Variants in NOD2 observed in about 807,000 individuals in gnomAD.
NOD2 encodes nucleotide binding oligomerization domain containing 2.
NOD2 carries 86 observed loss-of-function variants against 90.9 expected under a neutral mutation model. The observed-to-expected ratio is 0.95, with a 90% confidence interval of 0.79 to 1.13. NOD2 has a LOEUF of 1.13. NOD2 is among the 50% of genes most tolerant of loss of function. The probability of loss-of-function intolerance (pLI) is 0.00; values close to 1 mark genes in which losing one functional copy is unlikely to be tolerated. For missense variants in NOD2, 1,238 were observed against 1,283.8 expected, an observed-to-expected ratio of 0.96 and a Z score of 0.55; for synonymous variants, 581 against 554.6, an observed-to-expected ratio of 1.05 and a Z score of -0.67.
chr16:50,731,891 A>G lies in NOD2; in HGVS notation c.*72A>G. Reference sequence around the variant, plus strand: ...GAGTTTGGGCCCCAGAGGCTGGGTGACATGTGTTGGCAGCCTCTTCAAAAT... The same window carrying G: ...GAGTTTGGGCCCCAGAGGCTGGGTGGCATGTGTTGGCAGCCTCTTCAAAAT... On this transcript the variant is annotated 3_prime_UTR_variant, in exon 12 of 12. Transcript: ENST00000647318. 1.7e-6 allele frequency: 2 copies of G among 1,161,032 alleles called. No homozygotes were observed. Among genetic ancestry groups the G allele is most frequent in the Non-Finnish European group, 2.6e-6 (2 of 770,992 alleles). 71.9% of individuals were successfully genotyped at this position (1,161,032 alleles called of 1,614,324 possible). A position where few individuals can be genotyped will look rare whatever the true frequency, so the allele number is the denominator to read the frequency against.
Position 50,712,062 on chromosome 16 carries a change from G to A in NOD2, c.2070G>A (p.Lys690=). The part of the protein sequence containing the change: ...ARWCLARSLR[K]HFHSIPPAAP... ...GGTGTCTGGCCCGCAGCCTCCGCAA[G>A]CACTTCCACTCCATCCCGCCAGCTG... Residue 690 remains lysine (K), a synonymous_variant, in exon 4 of 12, where the codon AAG becomes AAA. Transcript: ENST00000647318. 1 of 1,613,286 alleles carries A rather than the reference G, an allele frequency of 6.2e-7. No individual in the cohort carries two copies. The highest frequency in any genetic ancestry group is 8.5e-7 in the Non-Finnish European group (1 of 1,179,842).
intron 7 of NOD2, among the ~76,000 whole-genome samples, chr16:50,721,403 T>G (rs929765611): frequency 2.0e-5 from 3 of 151,866 alleles, no homozygotes; most frequent in African/African-American, 7.2e-5. Context: ...TTGTTTTGTT[T>G]TTGTTGTTGT....
intron 2 of NOD2, 92 bp downstream of exon 2, chr16:50,700,046 G>A (rs1963867420): frequency 2.4e-6 from 3 of 1,271,514 alleles, no homozygotes; most frequent in East Asian, 2.5e-5. Context: ...AGCCTGTGGG[G>A]TAACTTGGTC....
In NOD2 at chr16:50,711,930, C is replaced by G. The variant is rs755473279; in HGVS notation, c.1938C>G (p.Ile646Met). 1.9e-6 allele frequency: 3 copies of G among 1,611,470 alleles called. No individual in the cohort carries two copies. In the Admixed American group the frequency reaches 5.0e-5, roughly 27 times the overall value. The change falls in exon 4 of 12, where the codon ATC becomes ATG. Residue 646 changes from isoleucine to methionine, a missense_variant. Physicochemically the swap from Ile to Met is conservative, Grantham distance 10. Coordinates refer to ENST00000647318, the MANE Select transcript of NOD2 (RefSeq NM_001370466.1). Reference protein sequence around the residue: ...LQKAEPHNLQITAAFLAGLLS... With the variant: ...LQKAEPHNLQMTAAFLAGLLS... ...AGGCCGAGCCGCACAACCTTCAGATCACAGCAGCCTTCCTGGCAGGGCTGT... is the reference window on the plus strand; with the variant it reads ...AGGCCGAGCCGCACAACCTTCAGATGACAGCAGCCTTCCTGGCAGGGCTGT...
intron 3 of NOD2, chr16:50,709,897 C>T (rs1166382885): frequency 2.2e-6 from 1 of 451,664 alleles, no homozygotes; most frequent in Admixed American, 2.4e-5. Flanking sequence ...TATCTCGCTG[C>T]CTCCTGAAAA....
At chr16:50,694,090 G>T (rs1963535667) in intron 1 of NOD2, among the ~76,000 whole-genome samples, 1 of 152,072 alleles carries the variant, frequency 6.6e-6, no homozygotes, top group African/African-American at 2.4e-5. Context: ...CAGGACCTGC[G>T]AGGCCACATC....
rs535978538 is a variant in NOD2, at chr16:50,699,795, G to A, written c.300G>A (p.Ser100=). 4.3e-5 allele frequency: 70 copies of A among 1,613,622 alleles called. No homozygotes were observed. Among genetic ancestry groups the A allele is most frequent in the East Asian group, 1.8e-4 (8 of 44,880 alleles). ...PKLHGCWDPH[S]LHPARDLQSH... is the part of the protein sequence containing the mutation. ...TGCATGGCTGCTGGGACCCCCACTC[G>A]CTCCACCCAGCCCGAGACCTGCAGA... The change falls in exon 2 of 12, where the codon TCG becomes TCA. Residue 100 remains serine (S), a synonymous_variant. Coordinates refer to ENST00000647318, the MANE Select transcript of NOD2 (RefSeq NM_001370466.1).
intron 9 of NOD2, 35 bp from the exon 10 acceptor site, chr16:50,725,454 T>G: frequency 6.6e-7 from 1 of 1,520,310 alleles, no homozygotes; most frequent in African/African-American, 1.4e-5. Context: ...TAATCAATGT[T>G]GTATCAACTG....
chr16:50,705,781 G>C (rs532367479), intron 2 of NOD2, among the ~76,000 whole-genome samples: 1 of 152,102 alleles, frequency 6.6e-6, no homozygotes, highest in Non-Finnish European at 1.5e-5. Flanking sequence ...TCCTCAGTCC[G>C]TTACTATTCA....
rs1462834850 is a variant in NOD2, at chr16:50,710,848, C to A, written c.856C>A (p.His286Asn). 6.2e-7 allele frequency: 1 copy of A among 1,614,080 alleles called. No homozygotes were observed. The highest frequency in any genetic ancestry group is 8.5e-7 in the Non-Finnish European group (1 of 1,180,026). ...CAAGAGCACGCTCCTGCAGCGGCTG[C>A]ACTTGCTGTGGGCTGCAGGGCAAGA... ...SGKSTLLQRL[H>N]LLWAAGQDFQ... Residue 286 changes from histidine (H) to asparagine (N), a missense_variant, in exon 4 of 12, where the codon CAC (histidine) becomes AAC (asparagine). Coordinates refer to ENST00000647318, the MANE Select transcript of NOD2 (RefSeq NM_001370466.1).
rs533803547 is a variant in NOD2 at position 50,717,666 on chromosome 16, C to T, written c.2549+692C>T. ...GATGGGAGCCGCCATTTTAAAATGG[C>T]GGGCCACATAGCTCAGTCTCGGCAA... On this transcript the variant is annotated intron_variant, in intron 6 of 11. Transcript: ENST00000647318. Among the ~76,000 whole-genome samples, 10 of 152,300 alleles carry T rather than the reference C, an allele frequency of 6.6e-5. No individual in the cohort carries two copies. The East Asian group carries it at 1.5e-3, about 24-fold the overall frequency.
chr16:50,710,941 T>C lies in NOD2; in HGVS notation c.949T>C (p.Ser317Pro). The C allele has an allele frequency of 6.2e-7, 1 of 1,614,170 alleles. No homozygotes were observed. The highest frequency in any genetic ancestry group is 8.5e-7 in the Non-Finnish European group (1 of 1,180,032). ...GCTGCAGTGCATGGCCAAACCACTC[T>C]CTGTGCGGACTCTACTCTTTGAGCA... is the stretch of plus-strand genomic sequence containing the variant. The part of the protein sequence containing the change: ...RQLQCMAKPL[S>P]VRTLLFEHCC... Residue 317 changes from serine (S) to proline (P), a missense_variant, in exon 4 of 12, where the codon TCT (serine) becomes CCT (proline). By Grantham distance (74) the Ser-to-Pro change is moderately conservative. Coordinates refer to ENST00000647318, the MANE Select transcript of NOD2 (RefSeq NM_001370466.1).
In NOD2 at chr16:50,699,353, T is replaced by G. The variant is rs990884291; in HGVS notation, c.-8-135T>G. ...TTTTCACATCTATATGGTGGGGAGC[T>G]TGGATTGGGTAATGTCTGAGGCTAG... On this transcript the variant is annotated intron_variant, in intron 1 of 11. Transcript: ENST00000647318. The G allele has an allele frequency of 1.1e-5, 8 of 722,824 alleles. No individual in the cohort carries two copies. The African/African-American group carries it at 1.4e-4, about 13-fold the overall frequency. The allele number at this position is 722,824 out of a possible 1,614,324, so 44.8% of individuals were successfully genotyped here. A position where few individuals can be genotyped will look rare whatever the true frequency, so the allele number is the denominator to read the frequency against.
intron 7 of NOD2, among the ~76,000 whole-genome samples, 186 bp downstream of exon 7, chr16:50,720,194 C>A (rs1964992289): frequency 1.3e-5 from 2 of 152,152 alleles, no homozygotes; most frequent in Middle Eastern, 3.2e-3. Context: ...GCCTGACAAA[C>A]AGGAAGTTTG....
At chr16:50,694,777 G>A (rs1187323191) in intron 1 of NOD2, among the ~76,000 whole-genome samples, 3 of 152,192 alleles carry the variant, frequency 2.0e-5, no homozygotes, top group Admixed American at 1.3e-4. Context: ...ACGAGACAGA[G>A]CAGTAGGAAA....
intron 7 of NOD2, among the ~76,000 whole-genome samples, chr16:50,721,146 A>G (rs1965038328): frequency 6.6e-6 from 1 of 152,018 alleles, no homozygotes; most frequent in Non-Finnish European, 1.5e-5. Context: ...ATGTTGCTCT[A>G]GAAATCAACA....
chr16:50,727,043 G>A (rs1596911529), intron 10 of NOD2, among the ~76,000 whole-genome samples: 1 of 151,670 alleles, frequency 6.6e-6, no homozygotes, highest in Non-Finnish European at 1.5e-5. Context: ...AGGAAGCTGA[G>A]GCAGGAGAAT....
At chr16:50,723,433 T>C (rs764556738) in intron 9 of NOD2, 49 bp downstream of exon 9, 9 of 1,524,384 alleles carry the variant, frequency 5.9e-6, no homozygotes, top group Non-Finnish European at 8.2e-6. Context: ...ACAATCTCTG[T>C]TGATCCCCTG....
chr16:50,703,745 G>A (rs768006583), intron 2 of NOD2, among the ~76,000 whole-genome samples: 4 of 152,002 alleles, frequency 2.6e-5, no homozygotes, highest in African/African-American at 7.3e-5. Flanking sequence ...GGTTCCCAAG[G>A]CAGGGAAAGC....
Sources: gnomAD v4.1 joint callset for allele counts (sites outside exome capture counted in the v4.1 genomes callset) on GRCh38, gnomAD v4.1.1 for gene constraint, MANE v1.5 for transcripts, NCBI Gene and HGNC (gene_info 2026-07-23, HGNC 2026-07-21) for gene names.